Variants in HIKESHI observed in about 807,000 individuals in gnomAD.
HIKESHI encodes the protein protein Hikeshi.
HIKESHI carries 13 observed loss-of-function variants against 25.7 expected under a neutral mutation model. The observed-to-expected ratio is 0.51, with a 90% confidence interval of 0.33 to 0.80. The LOEUF is 0.80. Ranked by LOEUF, HIKESHI falls within the 30% of genes least tolerant of loss-of-function variation. The probability of loss-of-function intolerance (pLI) is 0.02; values close to 1 mark genes in which losing one functional copy is unlikely to be tolerated. For missense variants in HIKESHI, 174 were observed against 229.5 expected (o/e 0.76, Z 1.56); for synonymous variants, 76 against 78.7 (o/e 0.97, Z 0.18).
At chr11:86,330,376 T>C (rs1947391216) in intron 2 of HIKESHI, among the ~76,000 whole-genome samples, 1 of 152,202 alleles carries the variant, frequency 6.6e-6, no homozygotes, top group Middle Eastern at 3.2e-3. Flanking sequence ...ATTAAAGATA[T>C]TTATCTTCAT....
chr11:86,331,171 T>C (rs1456321744), intron 2 of HIKESHI, among the ~76,000 whole-genome samples: 5 of 152,166 alleles, frequency 3.3e-5, no homozygotes. Context: ...TCATAGAATG[T>C]CAGCACTAGA....
intron 2 of HIKESHI, among the ~76,000 whole-genome samples, chr11:86,330,079 G>C (rs1338682985): frequency 2.0e-5 from 3 of 151,464 alleles, no homozygotes; most frequent in Non-Finnish European, 4.4e-5. Context: ...CTTTTGGATT[G>C]TGTTTTTAGC....
At chr11:86,339,014 T>G (rs1947645822) in intron 3 of HIKESHI, among the ~76,000 whole-genome samples, 1 of 152,226 alleles carries the variant, frequency 6.6e-6, no homozygotes, top group African/African-American at 2.4e-5. Context: ...ATAGTTATTA[T>G]GTAACTACTC....
rs1306472964 is a variant in HIKESHI, at chr11:86,306,445, G to T, written c.231G>T (p.Lys77Asn). ...TCCTAGGATTTGTCACGAATGGGAAGCCAAGTGCCATCTTCAAAATTTCAG... is the reference window on the plus strand; with the variant it reads ...TCCTAGGATTTGTCACGAATGGGAATCCAAGTGCCATCTTCAAAATTTCAG... The part of the protein sequence containing the change: ...WQLLGFVTNG[K>N]PSAIFKISGL... Residue 77 changes from lysine to asparagine, a missense_variant, in exon 2 of 5, where the codon AAG becomes AAT. By Grantham distance (94) the Lys-to-Asn change is moderately conservative. Transcript: ENST00000278483. The T allele has an allele frequency of 6.2e-7, 1 of 1,612,410 alleles. No homozygotes were observed. The highest frequency in any genetic ancestry group is 2.2e-5 in the East Asian group (1 of 44,864).
chr11:86,307,836 T>A (rs1375034809), intron 2 of HIKESHI, among the ~76,000 whole-genome samples: 9 of 99,170 alleles, frequency 9.1e-5, no homozygotes, highest in Non-Finnish European at 1.3e-4. Context: ...ATACATTATA[T>A]AAATATATAT....
At chr11:86,324,740 T>G (rs1390377108) in intron 2 of HIKESHI, among the ~76,000 whole-genome samples, 6 of 152,220 alleles carry the variant, frequency 3.9e-5, no homozygotes, top group Admixed American at 3.9e-4. Flanking sequence ...AAAACCTTGC[T>G]AACTAGCACA....
At chr11:86,313,178 C>T (rs1378432468) in intron 2 of HIKESHI, among the ~76,000 whole-genome samples, 3 of 152,048 alleles carry the variant, frequency 2.0e-5, no homozygotes, top group Admixed American at 6.6e-5. Flanking sequence ...TCTCTGGTTC[C>T]CTTGAAAATC....
intron 2 of HIKESHI, among the ~76,000 whole-genome samples, chr11:86,316,666 T>C (rs888364302): frequency 5.3e-5 from 8 of 151,774 alleles, no homozygotes; most frequent in African/African-American, 1.9e-4. Context: ...GTAAACAGAT[T>C]AAACTTACCA....
chr11:86,337,548 T>G lies in HIKESHI; in HGVS notation c.420+18T>G. Reference sequence around the variant, plus strand: ...TCACTCAGGTAATGCAACATACATTTCATTCTTTACCTCCCCCTCCACTGC... The same window carrying G: ...TCACTCAGGTAATGCAACATACATTGCATTCTTTACCTCCCCCTCCACTGC... On this transcript the variant is annotated intron_variant, in intron 3 of 4. Transcript: ENST00000278483. 6.2e-7 allele frequency: 1 copy of G among 1,606,534 alleles called. No individual in the cohort carries two copies. The highest frequency in any genetic ancestry group is 8.5e-7 in the Non-Finnish European group (1 of 1,176,860).
chr11:86,339,034 C>T (rs1593871638), intron 3 of HIKESHI, among the ~76,000 whole-genome samples: 1 of 152,032 alleles, frequency 6.6e-6, no homozygotes, highest in Non-Finnish European at 1.5e-5. Flanking sequence ...CTGTACCAGG[C>T]ATGTCTTTTT....
intron 2 of HIKESHI, among the ~76,000 whole-genome samples, chr11:86,311,761 CT>C (rs1459919652): frequency 6.6e-6 from 1 of 152,138 alleles, no homozygotes; most frequent in African/African-American, 2.4e-5. Context: ...TATGCTGTGT[CT>C]TTATTCTTAT....
rs141321589 is a variant in HIKESHI at position 86,323,576 on chromosome 11, A to G, written c.269-13803A>G. 2.9e-3 allele frequency among the ~76,000 whole-genome samples: 446 copies of G among 152,312 alleles called. 1 individual carries two copies. Among genetic ancestry groups the G allele is most frequent in the Non-Finnish European group, 3.6e-3 (245 of 68,016 alleles). ...TCCCCCATCTTTGCCTGTTCTTGCC[A>G]CAGTTTTGCCAATGTTTTGAATTTG... On this transcript the variant is annotated intron_variant, in intron 2 of 4. Coordinates refer to ENST00000278483, the MANE Select transcript of HIKESHI (RefSeq NM_016401.4).
chr11:86,341,053 A>G (rs1004289123), intron 3 of HIKESHI, among the ~76,000 whole-genome samples: 1 of 151,940 alleles, frequency 6.6e-6, no homozygotes, highest in Non-Finnish European at 1.5e-5. Flanking sequence ...TTTTTAATCT[A>G]TTTTTCCTAG....
At chr11:86,319,989 C>T (rs1412805205) in intron 2 of HIKESHI, among the ~76,000 whole-genome samples, 1 of 151,994 alleles carries the variant, frequency 6.6e-6, no homozygotes, top group Non-Finnish European at 1.5e-5. Context: ...ACTTGCATAT[C>T]TACTGTTTTG....
intron 2 of HIKESHI, among the ~76,000 whole-genome samples, chr11:86,323,374 GAA>G (rs1947198185): frequency 6.6e-6 from 1 of 152,114 alleles, no homozygotes; most frequent in Admixed American, 6.6e-5. Context: ...TGGAAAACAT[GAA>G]AGATTAAATA....
Position 86,302,389 on chromosome 11 carries a change from C to A in HIKESHI, c.-60C>A. On this transcript the variant is annotated 5_prime_UTR_variant, in exon 1 of 5. Coordinates refer to ENST00000278483, the MANE Select transcript of HIKESHI (RefSeq NM_016401.4). ...TTCTTAGTCTCGACTAGGGCAGTAG[C>A]CCCAGGACTCCTAGTCGCCGGCTTC... The A allele has an allele frequency of 1.3e-6, 2 of 1,548,550 alleles. No homozygotes were observed. Among genetic ancestry groups the A allele is most frequent in the Non-Finnish European group, 1.7e-6 (2 of 1,145,064 alleles).
chr11:86,329,000 C>T (rs895613002), intron 2 of HIKESHI, among the ~76,000 whole-genome samples: 6 of 151,592 alleles, frequency 4.0e-5, no homozygotes, highest in African/African-American at 1.5e-4. Context: ...TTAATATTAC[C>T]TCATAATGGG....
At chr11:86,304,290 AAC>A (rs1208641282) in intron 1 of HIKESHI, among the ~76,000 whole-genome samples, 2 of 152,158 alleles carry the variant, frequency 1.3e-5, no homozygotes, top group African/African-American at 4.8e-5. Flanking sequence ...AAACTTACCT[AAC>A]ACACATATTT....
At chr11:86,303,450 T>A in intron 1 of HIKESHI, 1 of 974,782 alleles carries the variant, frequency 1.0e-6, no homozygotes, top group South Asian at 4.7e-5. Context: ...TGGTGGTAAT[T>A]CATAATCCTG....
Sources: gnomAD v4.1 joint callset for allele counts (sites outside exome capture counted in the v4.1 genomes callset) on GRCh38, gnomAD v4.1.1 for gene constraint, MANE v1.5 for transcripts, NCBI Gene and HGNC (gene_info 2026-07-23, HGNC 2026-07-21) for gene names.